Variants in IGSF10 observed in about 807,000 individuals in gnomAD.
IGSF10 encodes calvaria mechanical force protein 608.
A neutral mutation model predicts 128.2 loss-of-function variants in IGSF10; 126 were observed. That is an observed-to-expected ratio of 0.98 (90% CI 0.85 to 1.14). IGSF10 has a LOEUF of 1.14. Among genes scored for constraint, IGSF10 ranks in the 50% most tolerant of loss-of-function variants. The pLI, the probability that IGSF10 is intolerant of heterozygous loss-of-function variation, is 0.00. For synonymous variants in IGSF10, 1,185 were observed against 1,146.2 expected (o/e 1.03, Z -0.68); for missense variants, 3,295 against 3,149.8 (o/e 1.05, Z -1.10).
the IGSF10 span, among the ~76,000 whole-genome samples, chr3:151,477,439 T>C: frequency 2.0e-5 from 3 of 152,214 alleles, no homozygotes; most frequent in African/African-American, 7.2e-5. Context: ...GGGAGGTGTC[T>C]TGGATTTTAA....
chr3:151,614,398 C>T, the IGSF10 span, among the ~76,000 whole-genome samples: 1 of 152,138 alleles, frequency 6.6e-6, no homozygotes, highest in Admixed American at 6.5e-5. Context: ...ACTATTCACA[C>T]TAGCAAAGAC....
the IGSF10 span, among the ~76,000 whole-genome samples, chr3:151,576,771 C>T: frequency 6.6e-6 from 1 of 152,110 alleles, no homozygotes; most frequent in African/African-American, 2.4e-5. Context: ...TGGGAAGTTA[C>T]CCTATATGGT....
chr3:151,440,623 T>C (rs1489186422), intron 7 of IGSF10: 2 of 456,654 alleles, frequency 4.4e-6, no homozygotes, highest in Non-Finnish European at 8.8e-6. Flanking sequence ...CACCATGCTA[T>C]ACTGGCATTC....
the IGSF10 span, among the ~76,000 whole-genome samples, chr3:151,489,758 G>C: frequency 6.6e-6 from 1 of 152,158 alleles, no homozygotes; most frequent in African/African-American, 2.4e-5. Context: ...ACTCATAAGT[G>C]GGAGTTGAAT....
chr3:151,441,131 G>A (rs1720826598), intron 7 of IGSF10, among the ~76,000 whole-genome samples: 1 of 152,154 alleles, frequency 6.6e-6, no homozygotes, highest in African/African-American at 2.4e-5. Flanking sequence ...ACTGGTAGGG[G>A]GTCTTCCCTT....
the IGSF10 span, among the ~76,000 whole-genome samples, chr3:151,553,881 A>G: frequency 6.6e-6 from 1 of 151,870 alleles, no homozygotes; most frequent in African/African-American, 2.4e-5. Flanking sequence ...TGAGTGACCA[A>G]GTTGGGAGGA....
the IGSF10 span, among the ~76,000 whole-genome samples, chr3:151,571,162 C>T: frequency 1.3e-5 from 2 of 152,044 alleles, no homozygotes; most frequent in Admixed American, 6.6e-5. Context: ...AGTCAGGTAG[C>T]GTGATGCCTC....
At chr3:151,581,047 T>A in the IGSF10 span, among the ~76,000 whole-genome samples, 1 of 152,164 alleles carries the variant, frequency 6.6e-6, no homozygotes, top group Admixed American at 6.5e-5. Flanking sequence ...TGTTGTATAA[T>A]CTTTCTTGTT....
the IGSF10 span, among the ~76,000 whole-genome samples, chr3:151,574,123 G>C: frequency 2.6e-5 from 4 of 152,244 alleles, no homozygotes; most frequent in South Asian, 8.3e-4. Context: ...TGGGTAACCC[G>C]ACCTTTCTCT....
chr3:151,599,095 G>A, the IGSF10 span, among the ~76,000 whole-genome samples: 1 of 152,206 alleles, frequency 6.6e-6, no homozygotes, highest in Non-Finnish European at 1.5e-5. Context: ...TCTCAGAAGG[G>A]ATGAGTGCTG....
chr3:151,572,318 T>A, the IGSF10 span, among the ~76,000 whole-genome samples: 1 of 152,244 alleles, frequency 6.6e-6, no homozygotes, highest in Non-Finnish European at 1.5e-5. Flanking sequence ...TTTGTACCTC[T>A]GGTAGAATTC....
At chr3:151,509,576 A>C in the IGSF10 span, among the ~76,000 whole-genome samples, 1 of 152,214 alleles carries the variant, frequency 6.6e-6, no homozygotes, top group Non-Finnish European at 1.5e-5. Flanking sequence ...TGATTTCTGC[A>C]TTTCCAACTG....
the IGSF10 span, among the ~76,000 whole-genome samples, chr3:151,571,733 C>T: frequency 6.6e-6 from 1 of 152,086 alleles, no homozygotes; most frequent in African/African-American, 2.4e-5. Context: ...GCCTGATTGC[C>T]CTGGCCAGAA....
chr3:151,437,751 T>A lies in IGSF10; in HGVS notation c.6810A>T (p.Glu2270Asp), dbSNP rs369523098. ...DCRAEGTPSP[E>D]VMWIMPDNIF... ...TATTGTCTGGCATGATCCACATGAC[T>A]TCAGGAGATGGTGTCCCTTCAGCTC... Residue 2270 changes from glutamate to aspartate, a missense_variant, in exon 8 of 8, where the codon GAA (glutamate) becomes GAT (aspartate). Glu to Asp is a conservative substitution (Grantham distance 45). Transcript: ENST00000282466. 13 of 1,613,936 alleles carry A rather than the reference T, an allele frequency of 8.1e-6. No homozygotes were observed. The African/African-American group carries it at 9.3e-5, about 12-fold the overall frequency.
At chr3:151,440,818 G>C (rs1377926526) in intron 7 of IGSF10, 5 of 344,528 alleles carry the variant, frequency 1.5e-5, no homozygotes, top group Non-Finnish European at 2.3e-5. Flanking sequence ...GTGCAGCAAA[G>C]AACCACTGTT....
chr3:151,557,917 T>C, the IGSF10 span, among the ~76,000 whole-genome samples: 7 of 145,642 alleles, frequency 4.8e-5, no homozygotes, highest in Non-Finnish European at 4.5e-5. Context: ...TAGTTTTTCT[T>C]TCTTATTAAA....
At chr3:151,555,849 AAATGACT>A in the IGSF10 span, among the ~76,000 whole-genome samples, 2 of 152,196 alleles carry the variant, frequency 1.3e-5, no homozygotes, top group South Asian at 4.1e-4. Context: ...CTTAAAAGAT[AAATGACT>A]CTAGTCCTTG....
chr3:151,615,529 T>C, the IGSF10 span, among the ~76,000 whole-genome samples: 1 of 152,128 alleles, frequency 6.6e-6, no homozygotes, highest in African/African-American at 2.4e-5. Context: ...AAATTTGCAG[T>C]AATGGGAAAT....
Position 151,446,499 on chromosome 3 carries a change from C to A in IGSF10, c.3482G>T (p.Ser1161Ile), listed in dbSNP as rs768421068. 9 of 1,614,026 alleles carry A rather than the reference C, an allele frequency of 5.6e-6. No homozygotes were observed. In the South Asian group the frequency reaches 9.9e-5, roughly 18 times the overall value. The change falls in exon 6 of 8, where the codon AGT becomes ATT. Residue 1161 changes from serine to isoleucine, a missense_variant. By Grantham distance (142) the Ser-to-Ile change is moderately radical. Coordinates refer to ENST00000282466, the MANE Select transcript of IGSF10 (RefSeq NM_178822.5). ...ATTGGTGCTAGACACACGTGGGTAA[C>A]TGGCGTTTACTTTGTGAGTTTTTTC... is the stretch of plus-strand genomic sequence containing the variant. Reference protein sequence around the residue: ...PMEKTHKVNASYPRVSSTNEA... With the variant: ...PMEKTHKVNAIYPRVSSTNEA...
Sources: gnomAD v4.1 joint callset for allele counts (sites outside exome capture counted in the v4.1 genomes callset) on GRCh38, gnomAD v4.1.1 for gene constraint, MANE v1.5 for transcripts, NCBI Gene and HGNC (gene_info 2026-07-23, HGNC 2026-07-21) for gene names.